SMAD2: variants seen among roughly 807,000 people sequenced by gnomAD.
The protein encoded by SMAD2 is MAD homolog 2.
SMAD2 carries 8 observed loss-of-function variants against 64.4 expected under a neutral mutation model. That is an observed-to-expected ratio of 0.12 (90% confidence interval 0.07 to 0.22). The LOEUF (loss-of-function observed/expected upper bound fraction) is 0.22, where lower values mean the gene tolerates loss of function less well. SMAD2 is among the 10% of genes least tolerant of loss of function. The probability of loss-of-function intolerance (pLI) is 1.00; values close to 1 mark genes in which losing one functional copy is unlikely to be tolerated. For missense variants in SMAD2, 289 were observed against 561.2 expected (o/e 0.51, Z 4.90); for synonymous variants, 203 against 195.8 (o/e 1.04, Z -0.31).
chr18:47,860,055 G>A (rs1300618701), intron 6 of SMAD2, among the ~76,000 whole-genome samples: 2 of 152,056 alleles, frequency 1.3e-5, no homozygotes, highest in Non-Finnish European at 2.9e-5. Context: ...AAGATTGCCT[G>A]AGCCTGGGAG....
intron 4 of SMAD2, among the ~76,000 whole-genome samples, chr18:47,868,721 A>C (rs1041507015): frequency 6.6e-6 from 1 of 152,184 alleles, no homozygotes; most frequent in Non-Finnish European, 1.5e-5. Flanking sequence ...TTACCATAAA[A>C]GTTCATAAAT....
chr18:47,868,238 G>A lies in SMAD2; in HGVS notation c.655+85C>T, dbSNP rs2031706687. On this transcript the variant is annotated intron_variant, in intron 5 of 10. Coordinates refer to ENST00000262160, the MANE Select transcript of SMAD2 (RefSeq NM_005901.6). ...AACTCAAAAGCATTTTTAAAAAAGT[G>A]AAACCACAATTTACTAAAACTTGAA... is the stretch of plus-strand genomic sequence containing the variant. 3 of 1,197,554 alleles carry A rather than the reference G, an allele frequency of 2.5e-6. No homozygotes were observed. The South Asian group carries it at 3.7e-5, about 15-fold the overall frequency. The allele number at this position is 1,197,554 out of a possible 1,614,324, so 74.2% of individuals were successfully genotyped here.
intron 3 of SMAD2, 64 bp downstream of exon 3, chr18:47,870,411 G>T: frequency 8.5e-7 from 1 of 1,169,946 alleles, no homozygotes; most frequent in Non-Finnish European, 1.3e-6. Flanking sequence ...CCCCATATAG[G>T]TCTTTCAAAA....
At chr18:47,910,106 T>C (rs898172224) in intron 1 of SMAD2, among the ~76,000 whole-genome samples, 2 of 151,042 alleles carry the variant, frequency 1.3e-5, no homozygotes, top group Non-Finnish European at 2.9e-5. Context: ...AGTATCCAGA[T>C]GTGCCCGACT....
intron 7 of SMAD2, among the ~76,000 whole-genome samples, chr18:47,850,634 T>A (rs1222273095): frequency 7.8e-5 from 4 of 51,504 alleles, no homozygotes; most frequent in Non-Finnish European, 8.9e-5. Context: ...ATATATATAT[T>A]ATATATATTA....
Position 47,834,311 on chromosome 18 carries a change from A to C in SMAD2, c.*7516T>G, listed in dbSNP as rs944864997. 4.8e-6 allele frequency: 1 copy of C among 209,192 alleles called. No homozygotes were observed. Among genetic ancestry groups the C allele is most frequent in the African/African-American group, 2.3e-5 (1 of 43,990 alleles). 13.0% of individuals were successfully genotyped at this position (209,192 alleles called of 1,614,324 possible). ...CAGAGCAAATGAATTTCTTAAGTTC[A>C]AGATATGTACTCTCAATGGAGAATC... On this transcript the variant is annotated 3_prime_UTR_variant, in exon 11 of 11. Coordinates refer to ENST00000262160, the MANE Select transcript of SMAD2 (RefSeq NM_005901.6).
intron 2 of SMAD2, among the ~76,000 whole-genome samples, chr18:47,889,128 G>C: frequency 6.6e-6 from 1 of 152,116 alleles, no homozygotes; most frequent in Non-Finnish European, 1.5e-5. Context: ...AAAAGGAAAT[G>C]AAAACAACAG....
chr18:47,868,140 CAAAA>C, intron 5 of SMAD2, 179 bp downstream of exon 5: 1 of 593,482 alleles, frequency 1.7e-6, no homozygotes, highest in Admixed American at 2.9e-5. Context: ...CTTCTCCAAA[CAAAA>C]CTGTTTAATG....
intron 1 of SMAD2, among the ~76,000 whole-genome samples, chr18:47,917,729 AT>A (rs556215411): frequency 3.3e-5 from 5 of 150,552 alleles, no homozygotes; most frequent in South Asian, 2.1e-4. Flanking sequence ...ACCATAAAGA[AT>A]TTTTTTTTTA....
chr18:47,930,352 A>C lies in SMAD2; in HGVS notation c.-54+9T>G, dbSNP rs1430081074. ...CCTAGCTGGAGGCCCGCGGGCGCCCAGGCTTTACCTGCAAGGTGGCGCCAG... is the reference window on the plus strand; with the variant it reads ...CCTAGCTGGAGGCCCGCGGGCGCCCCGGCTTTACCTGCAAGGTGGCGCCAG... On this transcript the variant is annotated intron_variant, in intron 1 of 10. Coordinates refer to ENST00000262160, the MANE Select transcript of SMAD2 (RefSeq NM_005901.6). The C allele has an allele frequency of 2.0e-5, 3 of 152,016 alleles. No homozygotes were observed. The highest frequency in any genetic ancestry group is 7.3e-5 in the African/African-American group (3 of 41,350). The allele number at this position is 152,016 out of a possible 1,614,324, so 9.4% of individuals were successfully genotyped here. A position where few individuals can be genotyped will look rare whatever the true frequency, so the allele number is the denominator to read the frequency against.
chr18:47,854,864 T>G (rs1407186166), intron 6 of SMAD2, among the ~76,000 whole-genome samples: 2 of 152,174 alleles, frequency 1.3e-5, no homozygotes, highest in Non-Finnish European at 2.9e-5. Flanking sequence ...GATACATCAT[T>G]ATCACTGAAA....
chr18:47,845,577 C>T, intron 9 of SMAD2, 86 bp downstream of exon 9: 1 of 1,560,820 alleles, frequency 6.4e-7, no homozygotes, highest in Non-Finnish European at 8.8e-7. Flanking sequence ...TATGAGCATG[C>T]AATCATCTAC....
chr18:47,847,431 A>C (rs1787185), intron 8 of SMAD2, among the ~76,000 whole-genome samples: 83,283 of 151,746 alleles, frequency 0.55, 23,305 homozygotes, highest in East Asian at 0.82. Flanking sequence ...GATGAGAATG[A>C]TGTTCAATTA....
At chr18:47,848,227 T>TAAC (rs1343757551) in intron 8 of SMAD2, among the ~76,000 whole-genome samples, 3 of 152,198 alleles carry the variant, frequency 2.0e-5, no homozygotes, top group African/African-American at 7.2e-5. Context: ...AAACTTATCT[T>TAAC]AACACATATT....
chr18:47,849,061 A>G (rs1030304235), intron 7 of SMAD2, among the ~76,000 whole-genome samples: 4 of 152,214 alleles, frequency 2.6e-5, no homozygotes, highest in Non-Finnish European at 4.4e-5. Context: ...TAAAAAAGCT[A>G]AAGTGGGGTA....
At chr18:47,915,015 A>G (rs1003427961) in intron 1 of SMAD2, among the ~76,000 whole-genome samples, 1 of 152,166 alleles carries the variant, frequency 6.6e-6, no homozygotes, top group Non-Finnish European at 1.5e-5. Flanking sequence ...TGTCAAATTT[A>G]CTTATTTCTC....
chr18:47,897,327 A>G (rs1033092278), intron 1 of SMAD2, among the ~76,000 whole-genome samples: 10 of 152,246 alleles, frequency 6.6e-5, no homozygotes, highest in African/African-American at 2.4e-4. Context: ...TGGCAAACAG[A>G]GTCCGTGGAG....
intron 4 of SMAD2, 111 bp downstream of exon 4, chr18:47,869,132 G>T: frequency 1.3e-6 from 1 of 758,282 alleles, no homozygotes. Flanking sequence ...ACAATTTAAG[G>T]TAATTTATTA....
At position 47,814,040 on chromosome 18, in the gene SMAD2, T is replaced by C. The variant is rs961983405; in HGVS notation, c.*27787A>G. Reference sequence around the variant, plus strand: ...TGGCTTTGAGGAATAAAGAGTTTTATATCAGGGCATCAAGAGAAGGATATT... The same window carrying C: ...TGGCTTTGAGGAATAAAGAGTTTTACATCAGGGCATCAAGAGAAGGATATT... On this transcript the variant is annotated 3_prime_UTR_variant, in exon 11 of 11. Transcript: ENST00000262160. The C allele has an allele frequency of 3.3e-5, 5 of 152,126 alleles. No individual in the cohort carries two copies. Among genetic ancestry groups the C allele is most frequent in the Non-Finnish European group, 5.9e-5 (4 of 68,032 alleles). 9.4% of individuals were successfully genotyped at this position (152,126 alleles called of 1,614,324 possible).
Sources: allele counts gnomAD v4.1 joint callset (sites outside exome capture counted in the v4.1 genomes callset), GRCh38; gene constraint gnomAD v4.1.1; transcripts MANE v1.5; gene names NCBI Gene and HGNC (gene_info 2026-07-23, HGNC 2026-07-21).